The following DCLK1 variants were observed in gnomAD, a reference collection of about 807,000 sequenced individuals.
The protein encoded by DCLK1 is doublecortin like kinase 1.
A neutral mutation model predicts 86.2 loss-of-function variants in DCLK1; 16 were observed. That is an observed-to-expected ratio of 0.19 (90% confidence interval 0.13 to 0.28). The LOEUF (loss-of-function observed/expected upper bound fraction) is 0.28, where lower values mean the gene tolerates loss of function less well. Among genes scored for constraint, DCLK1 ranks in the 10% least tolerant of loss-of-function variants. DCLK1 has a pLI of 1.00. For missense variants in DCLK1, 590 were observed against 940.2 expected (o/e 0.63, Z 4.87); for synonymous variants, 369 against 370.5 (o/e 1.00, Z 0.05).
At chr13:36,013,755 C>T (rs1030430877) in intron 3 of DCLK1, among the ~76,000 whole-genome samples, 2 of 152,204 alleles carry the variant, frequency 1.3e-5, no homozygotes, top group African/African-American at 2.4e-5. Flanking sequence ...GTGGGCTCCA[C>T]CCAGTTCGAG....
At chr13:35,801,690 G>C (rs2086923326) in intron 15 of DCLK1, among the ~76,000 whole-genome samples, 1 of 152,058 alleles carries the variant, frequency 6.6e-6, no homozygotes, top group African/African-American at 2.4e-5. Context: ...ACAAAACCAG[G>C]TAGAAGAGGC....
intron 16 of DCLK1, among the ~76,000 whole-genome samples, chr13:35,787,463 G>A (rs1318150976): frequency 6.6e-6 from 1 of 151,978 alleles, no homozygotes; most frequent in African/African-American, 2.4e-5. Flanking sequence ...AAATGCCAGG[G>A]CAGTTGACTG....
rs1874771680 is a variant in DCLK1, at chr13:35,907,840, T to TAA, written c.824-36501_824-36500insTT. ...TCAATTTTACATCTATGAAAAAACT[T>TAA]TAAAAAAAAAAAAAAAGAGCCTAAA... On this transcript the variant is annotated intron_variant, in intron 4 of 16. Transcript: ENST00000360631. Among the ~76,000 whole-genome samples, 13 of 79,306 alleles carry TAA rather than the reference T, an allele frequency of 1.6e-4. No homozygotes were observed. The East Asian group carries it at 3.6e-3, about 22-fold the overall frequency. 52.0% of individuals were successfully genotyped at this position (79,306 alleles called of 152,430 possible).
intron 3 of DCLK1, among the ~76,000 whole-genome samples, chr13:36,067,994 G>A (rs997355717): frequency 6.6e-6 from 1 of 152,080 alleles, no homozygotes; most frequent in African/African-American, 2.4e-5. Context: ...TGATGTAAAC[G>A]CACATGTATA....
chr13:36,015,857 G>T (rs1881518938), intron 3 of DCLK1, among the ~76,000 whole-genome samples: 2 of 152,158 alleles, frequency 1.3e-5, no homozygotes, highest in Non-Finnish European at 2.9e-5. Context: ...GACTAGAGAT[G>T]AAAAACATCA....
chr13:35,966,410 G>C (rs1228619092), intron 3 of DCLK1, among the ~76,000 whole-genome samples: 1 of 152,042 alleles, frequency 6.6e-6, no homozygotes, highest in Non-Finnish European at 1.5e-5. Context: ...TGGATGAATG[G>C]ATAAACAAAA....
At chr13:35,820,587 A>C (rs534934049) in intron 11 of DCLK1, among the ~76,000 whole-genome samples, 2 of 152,316 alleles carry the variant, frequency 1.3e-5, no homozygotes, top group East Asian at 3.9e-4. Context: ...CTGAGCAGCA[A>C]AAGCAAAAAG....
chr13:36,111,854 C>CAA lies in DCLK1; in HGVS notation c.723+13_723+14dup. 7 of 1,598,858 alleles carry CAA rather than the reference C, an allele frequency of 4.4e-6. No homozygotes were observed. Among genetic ancestry groups the CAA allele is most frequent in the Non-Finnish European group, 6.0e-6 (7 of 1,169,644 alleles). ...TTGCCTTAAAGTCAAAGTCACATCACAATATGTCTCTTACCTGTTTCCCAT... is the reference window on the plus strand; with the variant it reads ...TTGCCTTAAAGTCAAAGTCACATCACAAAATATGTCTCTTACCTGTTTCCCAT... On this transcript the variant is annotated intron_variant, in intron 3 of 16. Transcript: ENST00000360631.
intron 3 of DCLK1, among the ~76,000 whole-genome samples, chr13:36,057,292 T>C (rs1192060103): frequency 6.6e-6 from 1 of 152,110 alleles, no homozygotes; most frequent in Non-Finnish European, 1.5e-5. Flanking sequence ...TTCAAAATGA[T>C]TTATTCTTTC....
intron 4 of DCLK1, among the ~76,000 whole-genome samples, chr13:35,946,262 C>T (rs1593757328): frequency 6.6e-6 from 1 of 152,300 alleles, no homozygotes; most frequent in South Asian, 2.1e-4. Context: ...CCTTGGCCTC[C>T]CAAAGTGCTG....
chr13:35,982,606 A>C (rs1173637278), intron 3 of DCLK1, among the ~76,000 whole-genome samples: 5 of 152,242 alleles, frequency 3.3e-5, no homozygotes, highest in Middle Eastern at 3.4e-3. Flanking sequence ...CAAAACAAAA[A>C]TTACTATAAA....
intron 3 of DCLK1, among the ~76,000 whole-genome samples, chr13:36,074,515 A>C (rs1884108014): frequency 8.5e-6 from 1 of 118,268 alleles, no homozygotes; most frequent in African/African-American, 3.0e-5. Context: ...AAAAAAAAAA[A>C]AACAGAGAAG....
At chr13:36,113,501 T>C (rs1460256277) in intron 2 of DCLK1, among the ~76,000 whole-genome samples, 2 of 152,208 alleles carry the variant, frequency 1.3e-5, no homozygotes, top group Non-Finnish European at 2.9e-5. Flanking sequence ...AAAACTTATA[T>C]GTATTTTTGA....
intron 3 of DCLK1, among the ~76,000 whole-genome samples, chr13:36,057,709 C>G (rs1883388705): frequency 6.6e-6 from 1 of 152,128 alleles, no homozygotes; most frequent in Non-Finnish European, 1.5e-5. Flanking sequence ...TAGATTAAAG[C>G]CATGCTCTGC....
intron 3 of DCLK1, among the ~76,000 whole-genome samples, chr13:35,968,474 T>C (rs939385122): frequency 6.6e-6 from 1 of 152,214 alleles, no homozygotes; most frequent in Admixed American, 6.5e-5. Flanking sequence ...AGCTTCCTTT[T>C]CCTGAACATC....
intron 5 of DCLK1, among the ~76,000 whole-genome samples, chr13:35,857,055 A>G (rs1871103701): frequency 6.6e-6 from 1 of 152,130 alleles, no homozygotes; most frequent in African/African-American, 2.4e-5. Context: ...AATTACAATA[A>G]AGTATTTTGA....
intron 12 of DCLK1, 56 bp downstream of exon 12, chr13:35,810,779 C>T (rs768751425): frequency 2.2e-5 from 35 of 1,589,414 alleles, no homozygotes; most frequent in African/African-American, 2.7e-5. Flanking sequence ...TTCCTATTCT[C>T]GAAGCGGGCT....
chr13:35,993,952 TGAGG>T (rs1402259770), intron 3 of DCLK1, among the ~76,000 whole-genome samples: 22 of 151,276 alleles, frequency 1.5e-4, no homozygotes, highest in Non-Finnish European at 2.9e-5. Flanking sequence ...AAGGCAGGAG[TGAGG>T]GAAAGTGACC....
At chr13:35,905,001 T>C (rs1457958125) in intron 4 of DCLK1, among the ~76,000 whole-genome samples, 1 of 152,220 alleles carries the variant, frequency 6.6e-6, no homozygotes, top group African/African-American at 2.4e-5. Context: ...CCTACCCTAA[T>C]AGATTGTCAT....
Sources: gnomAD v4.1 joint callset for allele counts (sites outside exome capture counted in the v4.1 genomes callset) on GRCh38, gnomAD v4.1.1 for gene constraint, MANE v1.5 for transcripts, NCBI Gene and HGNC (gene_info 2026-07-23, HGNC 2026-07-21) for gene names.